Variants in LRRIQ3 observed in about 807,000 individuals in gnomAD.
The protein encoded by LRRIQ3 is leucine rich repeats and IQ motif containing 3, also known as leucine-rich repeat and IQ domain-containing protein 3.
Under a neutral mutation model 59.3 loss-of-function variants are expected in LRRIQ3, and 75 were observed. The observed-to-expected ratio is 1.26, with a 90% CI of 1.05 to 1.53. LRRIQ3 has a LOEUF of 1.53. Among genes scored for constraint, LRRIQ3 ranks in the 40% most tolerant of loss-of-function variants. The pLI is 0.00. For synonymous variants in LRRIQ3, 250 were observed against 231.3 expected (o/e 1.08, Z -0.73); for missense variants, 831 against 710.0 (o/e 1.17, Z -1.94).
At chr1:74,192,538 T>C (rs567625372) in intron 1 of LRRIQ3, among the ~76,000 whole-genome samples, 1 of 152,138 alleles carries the variant, frequency 6.6e-6, no homozygotes, top group Non-Finnish European at 1.5e-5. Flanking sequence ...GGTTTCTTTT[T>C]AGTTGATGTG....
chr1:74,074,835 T>C (rs764313189), intron 5 of LRRIQ3, 45 bp from the exon 6 acceptor site: 1 of 978,202 alleles, frequency 1.0e-6, no homozygotes, highest in African/African-American at 1.7e-5. Flanking sequence ...ATATCTCATG[T>C]GTTTTAGAGT....
intron 5 of LRRIQ3, among the ~76,000 whole-genome samples, chr1:74,094,053 G>C (rs1646421965): frequency 6.6e-6 from 1 of 151,974 alleles, no homozygotes; most frequent in African/African-American, 2.4e-5. Context: ...GCTGTTACTG[G>C]CTTGCCGATG....
chr1:74,174,601 C>A (rs1322439478), intron 3 of LRRIQ3, among the ~76,000 whole-genome samples: 1 of 149,522 alleles, frequency 6.7e-6, no homozygotes, highest in East Asian at 2.0e-4. Flanking sequence ...ACCATGTTAA[C>A]CAGGCTGGCC....
intron 3 of LRRIQ3, chr1:74,180,483 AAAG>A: frequency 2.3e-6 from 1 of 431,940 alleles, no homozygotes. Context: ...ATCCTGCCTC[AAAG>A]AAGTATGACC....
intron 7 of LRRIQ3, among the ~76,000 whole-genome samples, chr1:74,030,149 T>C (rs1653655059): frequency 6.6e-6 from 1 of 152,134 alleles, no homozygotes; most frequent in Admixed American, 6.6e-5. Flanking sequence ...GACTATTCCA[T>C]GCTCATGGAT....
chr1:74,055,678 A>G (rs1026409975), intron 6 of LRRIQ3, among the ~76,000 whole-genome samples: 12 of 152,006 alleles, frequency 7.9e-5, no homozygotes, highest in African/African-American at 2.9e-4. Flanking sequence ...TCTTTCATAT[A>G]CAATTTTTAT....
At chr1:74,062,663 G>C (rs1234224050) in intron 6 of LRRIQ3, among the ~76,000 whole-genome samples, 3 of 152,098 alleles carry the variant, frequency 2.0e-5, no homozygotes, top group Non-Finnish European at 4.4e-5. Context: ...CCATGAAAAA[G>C]AATGAGATCA....
chr1:74,145,428 C>T (rs935057550), intron 4 of LRRIQ3, among the ~76,000 whole-genome samples: 1 of 152,108 alleles, frequency 6.6e-6, no homozygotes, highest in Non-Finnish European at 1.5e-5. Context: ...CGTGAGCTTC[C>T]TGAAAAACCT....
At chr1:74,091,789 C>T (rs1646397121) in intron 5 of LRRIQ3, among the ~76,000 whole-genome samples, 1 of 152,000 alleles carries the variant, frequency 6.6e-6, no homozygotes, top group Non-Finnish European at 1.5e-5. Context: ...TTTATTATAA[C>T]ATTCTACCTC....
At chr1:74,030,724 C>G (rs570498166) in intron 7 of LRRIQ3, among the ~76,000 whole-genome samples, 1 of 152,226 alleles carries the variant, frequency 6.6e-6, no homozygotes, top group East Asian at 1.9e-4. Flanking sequence ...GTCTAAAACA[C>G]CAAACGCAAT....
At chr1:74,102,490 G>A (rs1366677180) in intron 5 of LRRIQ3, among the ~76,000 whole-genome samples, 2 of 151,964 alleles carry the variant, frequency 1.3e-5, no homozygotes, top group African/African-American at 4.8e-5. Context: ...GTAAGAATAT[G>A]AAAAAGTTGA....
chr1:74,102,486 A>G, intron 5 of LRRIQ3, among the ~76,000 whole-genome samples: 1 of 152,066 alleles, frequency 6.6e-6, no homozygotes, highest in East Asian at 1.9e-4. Context: ...GTTGGTAAGA[A>G]TATGAAAAAG....
At position 74,197,141 on chromosome 1, in the gene LRRIQ3, C is replaced by T. The variant is rs139941822; in HGVS notation, c.-1+855G>A. Among the ~76,000 whole-genome samples the T allele has an allele frequency of 1.6e-3, 251 of 152,140 alleles. 2 individuals carry two copies. Among genetic ancestry groups the T allele is most frequent in the South Asian group, 9.8e-3 (47 of 4,816 alleles). ...ACTATGAAAGAGTAATCTAATCTGC[C>T]ATTTTATCCAAATGTTTCCACTATT... On this transcript the variant is annotated intron_variant, in intron 1 of 7. Transcript: ENST00000354431.
chr1:74,067,541 C>A (rs563418016), intron 6 of LRRIQ3, among the ~76,000 whole-genome samples: 8 of 152,190 alleles, frequency 5.3e-5, no homozygotes, highest in Non-Finnish European at 1.0e-4. Flanking sequence ...GGCTAAAATT[C>A]TCTGGTAATC....
chr1:74,166,453 G>A (rs1046194769), intron 3 of LRRIQ3, among the ~76,000 whole-genome samples: 2 of 151,612 alleles, frequency 1.3e-5, no homozygotes, highest in African/African-American at 4.8e-5. Context: ...TGTCAGTCTT[G>A]ACAGGTTTGT....
intron 4 of LRRIQ3, among the ~76,000 whole-genome samples, chr1:74,141,351 T>C (rs1223116039): frequency 6.6e-6 from 1 of 151,760 alleles, no homozygotes; most frequent in Non-Finnish European, 1.5e-5. Flanking sequence ...ATTCTAAAAA[T>C]AAGCATGGAT....
chr1:74,036,558 G>A (rs1404961845), intron 7 of LRRIQ3, among the ~76,000 whole-genome samples: 1 of 152,110 alleles, frequency 6.6e-6, no homozygotes, highest in Non-Finnish European at 1.5e-5. Context: ...TTATAGAAGT[G>A]TCAGCCATAA....
intron 6 of LRRIQ3, among the ~76,000 whole-genome samples, chr1:74,069,009 C>A (rs1190550941): frequency 2.6e-5 from 4 of 151,952 alleles, no homozygotes; most frequent in Admixed American, 2.6e-4. Flanking sequence ...TGGAGCAAGA[C>A]AAAGTATATA....
chr1:74,120,341 C>A (rs1646836847), intron 4 of LRRIQ3, among the ~76,000 whole-genome samples: 1 of 151,986 alleles, frequency 6.6e-6, no homozygotes, highest in African/African-American at 2.4e-5. Flanking sequence ...TGGTCTTGAT[C>A]TCTTGACCTT....
Sources: allele counts gnomAD v4.1 joint callset (sites outside exome capture counted in the v4.1 genomes callset), GRCh38; gene constraint gnomAD v4.1.1; transcripts MANE v1.5; gene names NCBI Gene and HGNC (gene_info 2026-07-23, HGNC 2026-07-21).